The following SH3TC2 variants were observed in gnomAD, a reference collection of about 807,000 sequenced individuals.
The protein encoded by SH3TC2 is SH3 domain and tetratricopeptide repeat-containing protein 2.
A neutral mutation model predicts 124.5 loss-of-function variants in SH3TC2; 87 were observed. The observed-to-expected ratio is 0.70, with a 90% confidence interval of 0.59 to 0.84. SH3TC2 has a LOEUF of 0.84. SH3TC2 is among the 40% of genes least tolerant of loss of function. The pLI, the probability that SH3TC2 is intolerant of heterozygous loss-of-function variation, is 0.00. For synonymous variants in SH3TC2, 634 were observed against 628.5 expected (o/e 1.01, Z -0.13); for missense variants, 1,536 against 1,566.4 (o/e 0.98, Z 0.33).
chr5:149,053,297 G>T (rs1333637221), intron 1 of SH3TC2, among the ~76,000 whole-genome samples: 1 of 152,194 alleles, frequency 6.6e-6, no homozygotes, highest in South Asian at 2.1e-4. Flanking sequence ...TCATATTGCT[G>T]CTAATAGCCT....
At position 148,988,058 on chromosome 5, in the gene SH3TC2, G is replaced by A. The variant is rs1436697133; in HGVS notation, c.*16653C>T. Among the ~76,000 whole-genome samples the A allele has an allele frequency of 6.6e-6, 1 of 152,150 alleles. No individual in the cohort carries two copies. The highest frequency in any genetic ancestry group is 1.5e-5 in the Non-Finnish European group (1 of 68,030). ...CATCTGCCCACTTGGAGACAGAGAAGGTGACTTACCTAATATTTTTCCTGC... is the reference window on the plus strand; with the variant it reads ...CATCTGCCCACTTGGAGACAGAGAAAGTGACTTACCTAATATTTTTCCTGC... On this transcript the variant is annotated 3_prime_UTR_variant, in exon 17 of 17. Coordinates refer to ENST00000515425, the MANE Select transcript of SH3TC2 (RefSeq NM_024577.4).
rs372429535 is a variant in SH3TC2, at chr5:148,993,604, G to A, written c.*11107C>T. Among the ~76,000 whole-genome samples, 6 of 152,220 alleles carry A rather than the reference G, an allele frequency of 3.9e-5. No homozygotes were observed. The highest frequency in any genetic ancestry group is 2.0e-4 in the Admixed American group (3 of 15,280). On this transcript the variant is annotated 3_prime_UTR_variant, in exon 17 of 17. Coordinates refer to ENST00000515425, the MANE Select transcript of SH3TC2 (RefSeq NM_024577.4). Reference sequence around the variant, plus strand: ...AGCAATATATCACGGAGGTCAAAACGTCTGCCAGACTAAACATAGGTTCAA... The same window carrying A: ...AGCAATATATCACGGAGGTCAAAACATCTGCCAGACTAAACATAGGTTCAA...
chr5:149,011,175 A>T (rs556779279), intron 13 of SH3TC2, among the ~76,000 whole-genome samples: 4 of 152,356 alleles, frequency 2.6e-5, no homozygotes, highest in Admixed American at 2.0e-4. Flanking sequence ...CCTGCACAAC[A>T]TCAGTTAGGT....
chr5:149,006,797 A>C, intron 16 of SH3TC2, 84 bp downstream of exon 16: 1 of 1,412,122 alleles, frequency 7.1e-7, no homozygotes, highest in East Asian at 2.3e-5. Context: ...CAGCTCCACC[A>C]CAAAGGCTCC....
chr5:149,041,895 G>T (rs997019685), intron 5 of SH3TC2, among the ~76,000 whole-genome samples: 1 of 152,072 alleles, frequency 6.6e-6, no homozygotes, highest in Non-Finnish European at 1.5e-5. Flanking sequence ...TCTTGAAAAA[G>T]AGATGAAAAC....
chr5:148,985,305 T>C lies in SH3TC2; in HGVS notation c.*19406A>G, dbSNP rs72835351. Among the ~76,000 whole-genome samples, 240 of 152,306 alleles carry C rather than the reference T, an allele frequency of 1.6e-3. No individual in the cohort carries two copies. The highest frequency in any genetic ancestry group is 5.3e-3 in the African/African-American group (221 of 41,576). On this transcript the variant is annotated 3_prime_UTR_variant, in exon 17 of 17. Coordinates refer to ENST00000515425, the MANE Select transcript of SH3TC2 (RefSeq NM_024577.4). ...AGTTCTATGAGTTTTGGCAAATGCA[T>C]TCAATGCCATCACTACTACAATCAA...
chr5:149,040,828 A>G, intron 6 of SH3TC2, 151 bp from the exon 7 acceptor site: 1 of 754,454 alleles, frequency 1.3e-6, no homozygotes, highest in Non-Finnish European at 2.3e-6. Flanking sequence ...CTTACTTTCT[A>G]CCAGGACCTG....
rs567478380 is a variant in SH3TC2 at position 149,003,262 on chromosome 5, T to G, written c.*1449A>C. On this transcript the variant is annotated 3_prime_UTR_variant, in exon 17 of 17. Transcript: ENST00000515425. Reference sequence around the variant, plus strand: ...TTATTATGAATTGAATAGGCAAGACTAAGGAGATGTCACTTCTGTGATCAG... The same window carrying G: ...TTATTATGAATTGAATAGGCAAGACGAAGGAGATGTCACTTCTGTGATCAG... 2 of 152,500 alleles carry G rather than the reference T, an allele frequency of 1.3e-5. No homozygotes were observed. The highest frequency in any genetic ancestry group is 2.1e-4 in the South Asian group (1 of 4,830). 9.4% of individuals were successfully genotyped at this position (152,500 alleles called of 1,614,324 possible).
At chr5:149,060,757 CA>C (rs1168616976) in intron 1 of SH3TC2, among the ~76,000 whole-genome samples, 2 of 152,154 alleles carry the variant, frequency 1.3e-5, no homozygotes, top group East Asian at 3.9e-4. Flanking sequence ...GAAGGGTTAT[CA>C]AAAGCCAGAC....
At chr5:149,049,154 C>T (rs1293547488) in intron 2 of SH3TC2, among the ~76,000 whole-genome samples, 1 of 152,210 alleles carries the variant, frequency 6.6e-6, no homozygotes, top group Non-Finnish European at 1.5e-5. Flanking sequence ...CCCATATAAC[C>T]TGACTTTGAT....
Position 149,012,589 on chromosome 5 carries a change from G to A in SH3TC2, c.3199C>T (p.Leu1067=), listed in dbSNP as rs1285188179. ...GAGCTCTGCAGGAGGCCTACCTGCA[G>A]GCACAGCTCCACCAGCTCGTCTTCC... ...MQEDELVELC[L]QAAIQTALKS... The change falls in exon 13 of 17, where the codon CTG becomes TTG. Residue 1067 remains leucine, a synonymous_variant. Coordinates refer to ENST00000515425, the MANE Select transcript of SH3TC2 (RefSeq NM_024577.4). 1.2e-6 allele frequency: 2 copies of A among 1,614,162 alleles called. No individual in the cohort carries two copies. The highest frequency in any genetic ancestry group is 1.7e-6 in the Non-Finnish European group (2 of 1,180,032).
rs747049366 is a variant in SH3TC2, at chr5:149,028,505, C to A, written c.1227G>T (p.Glu409Asp). 6.2e-7 allele frequency: 1 copy of A among 1,613,594 alleles called. No individual in the cohort carries two copies. The highest frequency in any genetic ancestry group is 1.1e-5 in the South Asian group (1 of 91,064). Residue 409 changes from glutamate to aspartate, a missense_variant, in exon 11 of 17, where the codon GAG becomes GAT. This residue lies in a region of SH3TC2 where 1,102 missense variants were observed against 1,098.6 expected (regional missense o/e 1.00). Coordinates refer to ENST00000515425, the MANE Select transcript of SH3TC2 (RefSeq NM_024577.4). Reference protein sequence around the residue: ...FKEVRPGRAWEEHQAVGSRQS... With the variant: ...FKEVRPGRAWDEHQAVGSRQS... ...GTCTGGACCCCACGGCCTGATGCTCCTCCCAGGCTCTGCCAGGCCTGACCT... is the reference window on the plus strand; with the variant it reads ...GTCTGGACCCCACGGCCTGATGCTCATCCCAGGCTCTGCCAGGCCTGACCT...
chr5:149,039,192 C>T (rs141972037), intron 7 of SH3TC2, among the ~76,000 whole-genome samples: 226 of 152,312 alleles, frequency 1.5e-3, no homozygotes, highest in African/African-American at 5.0e-3. Flanking sequence ...TAGGATCTAG[C>T]AATGACCTTT....
chr5:149,029,288 G>A (rs1235612527), intron 9 of SH3TC2, among the ~76,000 whole-genome samples: 4 of 152,214 alleles, frequency 2.6e-5, no homozygotes, highest in Admixed American at 6.5e-5. Context: ...GCAGGGGCGA[G>A]GGGCCAGAAG....
At position 148,996,223 on chromosome 5, in the gene SH3TC2, G is replaced by A. The variant is rs2127389297; in HGVS notation, c.*8488C>T. ...AGCAGTGAACCATGGCCACCCCACT[G>A]CACTCCAGCCTGGGCAACAGAGTGA... On this transcript the variant is annotated 3_prime_UTR_variant, in exon 17 of 17. Transcript: ENST00000515425. Among the ~76,000 whole-genome samples, 1 of 152,156 alleles carries A rather than the reference G, an allele frequency of 6.6e-6. No homozygotes were observed. The highest frequency in any genetic ancestry group is 2.1e-4 in the South Asian group (1 of 4,820).
In SH3TC2 at chr5:149,003,509, G is replaced by T. The variant is rs1169349614; in HGVS notation, c.*1202C>A. 1.3e-5 allele frequency: 2 copies of T among 157,988 alleles called. No homozygotes were observed. The highest frequency in any genetic ancestry group is 2.8e-5 in the Non-Finnish European group (2 of 71,566). 9.8% of individuals were successfully genotyped at this position (157,988 alleles called of 1,614,324 possible). On this transcript the variant is annotated 3_prime_UTR_variant, in exon 17 of 17. Coordinates refer to ENST00000515425, the MANE Select transcript of SH3TC2 (RefSeq NM_024577.4). ...AGCCCATCCTTCTCTAGTTGAAGTT[G>T]AGATAACTGCAGCCCCAGCTGATTG...
At position 149,040,609 on chromosome 5, in the gene SH3TC2, T is replaced by C. The variant is rs762782125; in HGVS notation, c.800A>G (p.Gln267Arg). 6.2e-7 allele frequency: 1 copy of C among 1,613,852 alleles called. No homozygotes were observed. Among genetic ancestry groups the C allele is most frequent in the Non-Finnish European group, 8.5e-7 (1 of 1,179,730 alleles). ...SRKRDWTGSYQIGRGRCKALT... is the reference protein window; with the variant it reads ...SRKRDWTGSYRIGRGRCKALT... ...TGTTTTTGACTCAGCCATACCAATC[T>C]GATAGGAGCCTGTCCAATCCCTCTT... The change falls in exon 7 of 17, where the codon CAG becomes CGG. Residue 267 changes from glutamine (Q) to arginine (R), a missense_variant. Physicochemically the swap from Gln to Arg is conservative, Grantham distance 43 (BLOSUM62 1). Coordinates refer to ENST00000515425, the MANE Select transcript of SH3TC2 (RefSeq NM_024577.4).
chr5:149,040,489 T>G, intron 7 of SH3TC2, 115 bp downstream of exon 7: 1 of 951,074 alleles, frequency 1.1e-6, no homozygotes. Flanking sequence ...TAAATCCAGT[T>G]CCTAGCAGAG....
chr5:149,049,341 C>T (rs372205618), intron 2 of SH3TC2, among the ~76,000 whole-genome samples: 3 of 152,198 alleles, frequency 2.0e-5, no homozygotes, highest in East Asian at 1.9e-4. Context: ...GGAGGGGTCA[C>T]GCAGTCTCCA....
Sources: allele counts gnomAD v4.1 joint callset (sites outside exome capture counted in the v4.1 genomes callset), GRCh38; gene constraint gnomAD v4.1.1; regional missense constraint gnomAD v4.1.1; transcripts MANE v1.5; gene names NCBI Gene and HGNC (gene_info 2026-07-23, HGNC 2026-07-21).